KCNIP1: variants seen among roughly 807,000 people sequenced by gnomAD.
The protein encoded by KCNIP1 is potassium voltage-gated channel interacting protein 1.
Under a neutral mutation model 33.0 loss-of-function variants are expected in KCNIP1, and 18 were observed. The observed-to-expected ratio is 0.55, with a 90% confidence interval of 0.38 to 0.81. The LOEUF is 0.81. Ranked by LOEUF, KCNIP1 falls within the 30% of genes least tolerant of loss-of-function variation. KCNIP1 has a pLI of 0.00. For synonymous variants in KCNIP1, 93 were observed against 98.3 expected, an observed-to-expected ratio of 0.95 and a Z score of 0.32; for missense variants, 238 against 271.6, an observed-to-expected ratio of 0.88 and a Z score of 0.87.
intron 1 of KCNIP1, among the ~76,000 whole-genome samples, chr5:170,357,556 G>C (rs1763381390): frequency 6.6e-6 from 1 of 152,116 alleles, no homozygotes; most frequent in Admixed American, 6.5e-5. Flanking sequence ...TTTGAGGCAG[G>C]GTCTCATTCT....
At chr5:170,539,896 T>C (rs1756132040) in intron 1 of KCNIP1, among the ~76,000 whole-genome samples, 1 of 152,204 alleles carries the variant, frequency 6.6e-6, no homozygotes, top group Admixed American at 6.5e-5. Context: ...CTCTCTGTGT[T>C]CTCAAGGTCG....
At chr5:170,383,562 G>T in intron 1 of KCNIP1, 1 of 1,139,480 alleles carries the variant, frequency 8.8e-7, no homozygotes, top group Non-Finnish European at 1.3e-6. Flanking sequence ...CATTCCAGCT[G>T]TGAGACCTGG....
At position 170,722,893 on chromosome 5, in the gene KCNIP1, G is replaced by T. The variant is rs566384617; in HGVS notation, c.435+73G>T. On this transcript the variant is annotated intron_variant, in intron 5 of 7. Coordinates refer to ENST00000328939, the MANE Select transcript of KCNIP1 (RefSeq NM_014592.4). ...CTAACCCAACAGAAAACAGCCCCAG[G>T]CATGAGGATAGCACTGTCTGAATGA... 1.4e-4 allele frequency: 131 copies of T among 914,464 alleles called. No homozygotes were observed. In the South Asian group the frequency reaches 1.8e-3, roughly 12 times the overall value. The allele number at this position is 914,464 out of a possible 1,614,324, so 56.6% of individuals were successfully genotyped here.
At chr5:170,463,732 T>C (rs1756553773) in intron 1 of KCNIP1, among the ~76,000 whole-genome samples, 1 of 152,140 alleles carries the variant, frequency 6.6e-6, no homozygotes, top group Non-Finnish European at 1.5e-5. Context: ...GGTAAAAGAC[T>C]GAATGTTTTT....
upstream of KCNIP1, among the ~76,000 whole-genome samples, chr5:170,502,926 A>C (rs144151466): frequency 1.6e-3 from 251 of 152,264 alleles, 6 homozygotes; most frequent in East Asian, 0.045. Context: ...ACAGGCAGGG[A>C]CGCAAACTTT....
intron 1 of KCNIP1, among the ~76,000 whole-genome samples, chr5:170,458,985 A>G (rs773513221): frequency 6.6e-6 from 1 of 152,182 alleles, no homozygotes; most frequent in Non-Finnish European, 1.5e-5. Flanking sequence ...ACATAAGGAC[A>G]CAAATAAACT....
intron 1 of KCNIP1, among the ~76,000 whole-genome samples, chr5:170,590,081 A>T (rs749159666): frequency 6.6e-5 from 10 of 152,180 alleles, no homozygotes; most frequent in Non-Finnish European, 1.2e-4. Context: ...GGCCTGGAGC[A>T]TAGCGCATGG....
At chr5:170,628,162 C>T (rs553480702) in intron 1 of KCNIP1, among the ~76,000 whole-genome samples, 30 of 152,260 alleles carry the variant, frequency 2.0e-4, no homozygotes, top group East Asian at 7.7e-4. Context: ...GTGGCCTGGG[C>T]GCTGAGACTA....
rs1296762504 is a variant in KCNIP1, at chr5:170,687,137, T to G, written c.62-31621T>G. 2.0e-5 allele frequency among the ~76,000 whole-genome samples: 3 copies of G among 152,120 alleles called. No homozygotes were observed. The East Asian group carries it at 5.8e-4, about 29-fold the overall frequency. On this transcript the variant is annotated intron_variant, in intron 1 of 7. Coordinates refer to ENST00000328939, the MANE Select transcript of KCNIP1 (RefSeq NM_014592.4). ...TCACTCTTAAAAATCCGGTTTCTCCTTAGGCAATCATTTTGTTTTGATTTT... is the reference window on the plus strand; with the variant it reads ...TCACTCTTAAAAATCCGGTTTCTCCGTAGGCAATCATTTTGTTTTGATTTT...
At chr5:170,610,912 A>G (rs1287204145) in intron 1 of KCNIP1, among the ~76,000 whole-genome samples, 1 of 152,182 alleles carries the variant, frequency 6.6e-6, no homozygotes, top group Admixed American at 6.5e-5. Context: ...AGTACCTAGT[A>G]TGTGCGGGGT....
intron 1 of KCNIP1, among the ~76,000 whole-genome samples, chr5:170,647,720 G>A (rs1760842912): frequency 6.6e-6 from 1 of 152,112 alleles, no homozygotes; most frequent in African/African-American, 2.4e-5. Flanking sequence ...GAGTATGGCA[G>A]TGACTTTCTA....
chr5:170,423,660 T>G (rs887762689), intron 1 of KCNIP1, among the ~76,000 whole-genome samples: 12 of 152,312 alleles, frequency 7.9e-5, no homozygotes, highest in Admixed American at 7.8e-4. Context: ...CACAGCATAT[T>G]GGAAAAATTT....
intron 1 of KCNIP1, among the ~76,000 whole-genome samples, chr5:170,387,303 T>A (rs1467033129): frequency 6.6e-6 from 1 of 152,178 alleles, no homozygotes; most frequent in African/African-American, 2.4e-5. Flanking sequence ...AGTGTCCGGG[T>A]GACAGGCCTT....
At chr5:170,535,819 G>T (rs937666886) in intron 1 of KCNIP1, among the ~76,000 whole-genome samples, 1 of 152,166 alleles carries the variant, frequency 6.6e-6, no homozygotes, top group Admixed American at 6.5e-5. Context: ...CTCATCTCCA[G>T]ACCAGATAAA....
At chr5:170,574,118 G>T (rs755646334) in intron 1 of KCNIP1, among the ~76,000 whole-genome samples, 4 of 152,172 alleles carry the variant, frequency 2.6e-5, no homozygotes, top group Non-Finnish European at 5.9e-5. Flanking sequence ...GAGGACTCAG[G>T]CACTTAGAAC....
intron 1 of KCNIP1, among the ~76,000 whole-genome samples, chr5:170,476,824 A>G (rs1756867744): frequency 6.6e-6 from 1 of 152,214 alleles, no homozygotes; most frequent in Non-Finnish European, 1.5e-5. Context: ...ATTCATGAAA[A>G]ATGAAAATAT....
At chr5:170,490,368 G>A (rs1276096726) in intron 1 of KCNIP1, among the ~76,000 whole-genome samples, 1 of 152,194 alleles carries the variant, frequency 6.6e-6, no homozygotes, top group Non-Finnish European at 1.5e-5. Flanking sequence ...AACTACAATT[G>A]AGAAGCACAA....
intron 1 of KCNIP1, among the ~76,000 whole-genome samples, chr5:170,359,799 C>T (rs765882515): frequency 2.0e-5 from 3 of 152,150 alleles, no homozygotes; most frequent in Non-Finnish European, 4.4e-5. Flanking sequence ...TTGGGTTGTT[C>T]AGGTGCTCAG....
chr5:170,733,650 A>C (rs1334444726), intron 6 of KCNIP1, among the ~76,000 whole-genome samples, 186 bp from the exon 7 acceptor site: 1 of 152,168 alleles, frequency 6.6e-6, no homozygotes, highest in Admixed American at 6.5e-5. Flanking sequence ...AAGTGTTGTA[A>C]TCAGGACCTA....
Sources: gnomAD v4.1 joint callset for allele counts (sites outside exome capture counted in the v4.1 genomes callset) on GRCh38, gnomAD v4.1.1 for gene constraint, MANE v1.5 for transcripts, NCBI Gene and HGNC (gene_info 2026-07-23, HGNC 2026-07-21) for gene names.